BTBD9: variants seen among roughly 807,000 people sequenced by gnomAD.
BTBD9 encodes the protein BTB domain containing 9.
In BTBD9, 49 loss-of-function variants were observed where a neutral mutation model predicts 64.3. That is an observed-to-expected ratio of 0.76 (90% CI 0.61 to 0.97). The LOEUF (loss-of-function observed/expected upper bound fraction) is 0.97. Ranked by LOEUF, BTBD9 falls within the 50% of genes least tolerant of loss-of-function variation. The pLI, the probability that BTBD9 is intolerant of heterozygous loss-of-function variation, is 0.00. For synonymous variants in BTBD9, 260 were observed against 274.7 expected, an observed-to-expected ratio of 0.95 and a Z score of 0.53; for missense variants, 598 against 762.1, an observed-to-expected ratio of 0.78 and a Z score of 2.53.
intron 6 of BTBD9, among the ~76,000 whole-genome samples, chr6:38,418,844 G>A (rs1041389506): frequency 4.6e-5 from 7 of 152,252 alleles, no homozygotes; most frequent in East Asian, 1.9e-4. Context: ...GCACAGTGGC[G>A]CGTGCCTATA....
chr6:38,268,829 C>G (rs1380659390), intron 8 of BTBD9, among the ~76,000 whole-genome samples: 2 of 152,268 alleles, frequency 1.3e-5, no homozygotes, highest in Non-Finnish European at 2.9e-5. Flanking sequence ...TGAGCTGCGA[C>G]TCGTTCCTCC....
At chr6:38,272,995 G>A (rs946766804) in intron 8 of BTBD9, among the ~76,000 whole-genome samples, 10 of 152,166 alleles carry the variant, frequency 6.6e-5, no homozygotes. Flanking sequence ...GTAAGTATAT[G>A]CCAAGGAAAG....
intron 6 of BTBD9, among the ~76,000 whole-genome samples, chr6:38,377,249 T>C (rs1222560955): frequency 6.6e-6 from 1 of 152,122 alleles, no homozygotes; most frequent in Non-Finnish European, 1.5e-5. Flanking sequence ...AACTATATAC[T>C]GCTACCTAAT....
At chr6:38,429,089 T>C (rs1562173245) in intron 6 of BTBD9, among the ~76,000 whole-genome samples, 1 of 151,864 alleles carries the variant, frequency 6.6e-6, no homozygotes, top group Non-Finnish European at 1.5e-5. Flanking sequence ...TCTAGGTTTC[T>C]GGTCAGGAGA....
chr6:38,410,354 A>C (rs185956383), intron 6 of BTBD9, among the ~76,000 whole-genome samples: 90 of 152,252 alleles, frequency 5.9e-4, no homozygotes, highest in African/African-American at 2.0e-3. Context: ...ATGCACCTGT[A>C]GTCTCAGCTA....
chr6:38,482,427 T>A (rs919412728), intron 6 of BTBD9: 10 of 150,964 alleles, frequency 6.6e-5, no homozygotes, highest in African/African-American at 2.2e-4. Flanking sequence ...TTTTTTTTTT[T>A]ACTTTTAGCT....
At chr6:38,629,327 C>T (rs1344621750) in intron 1 of BTBD9, among the ~76,000 whole-genome samples, 1 of 152,180 alleles carries the variant, frequency 6.6e-6, no homozygotes, top group African/African-American at 2.4e-5. Flanking sequence ...AAAGGAAAGG[C>T]AGAAACTTTA....
At chr6:38,613,271 G>A (rs1035424477) in intron 1 of BTBD9, among the ~76,000 whole-genome samples, 1 of 152,174 alleles carries the variant, frequency 6.6e-6, no homozygotes, top group African/African-American at 2.4e-5. Context: ...TGACAGCGCT[G>A]CTTTAGAGAT....
intron 6 of BTBD9, among the ~76,000 whole-genome samples, chr6:38,472,759 G>A (rs1398518234): frequency 6.6e-6 from 1 of 152,012 alleles, no homozygotes. Flanking sequence ...TTATATCTAG[G>A]TAGGCCTTTC....
chr6:38,562,223 A>C (rs1325229455), intron 6 of BTBD9, among the ~76,000 whole-genome samples: 1 of 152,180 alleles, frequency 6.6e-6, no homozygotes, highest in Non-Finnish European at 1.5e-5. Flanking sequence ...CTGTTACACA[A>C]AATGGAGATG....
At chr6:38,393,995 A>G (rs1437306925) in intron 6 of BTBD9, among the ~76,000 whole-genome samples, 1 of 152,216 alleles carries the variant, frequency 6.6e-6, no homozygotes, top group Non-Finnish European at 1.5e-5. Flanking sequence ...TTCAGAGTCT[A>G]GTAGAAAAGA....
At chr6:38,498,183 C>T (rs959710666) in intron 6 of BTBD9, among the ~76,000 whole-genome samples, 5 of 152,150 alleles carry the variant, frequency 3.3e-5, no homozygotes, top group Non-Finnish European at 7.4e-5. Flanking sequence ...AGCTGCCTGA[C>T]GCACCTGTCT....
intron 6 of BTBD9, among the ~76,000 whole-genome samples, chr6:38,476,899 C>T (rs181050835): frequency 4.6e-5 from 7 of 152,304 alleles, no homozygotes; most frequent in African/African-American, 1.4e-4. Flanking sequence ...ATTACTATAC[C>T]TAATTTTCCC....
chr6:38,395,973 T>G (rs1766653178), intron 6 of BTBD9, among the ~76,000 whole-genome samples: 1 of 152,084 alleles, frequency 6.6e-6, no homozygotes, highest in Admixed American at 6.5e-5. Context: ...CCTCCCAAAG[T>G]GTTGGGATTA....
intron 7 of BTBD9, among the ~76,000 whole-genome samples, chr6:38,296,661 G>A (rs1762166711): frequency 6.6e-6 from 1 of 152,100 alleles, no homozygotes; most frequent in African/African-American, 2.4e-5. Flanking sequence ...CAGGTATTGT[G>A]TAGAATGTCC....
At chr6:38,380,891 T>C (rs1765904693) in intron 6 of BTBD9, among the ~76,000 whole-genome samples, 1 of 151,712 alleles carries the variant, frequency 6.6e-6, no homozygotes, top group South Asian at 2.1e-4. Context: ...AACTTTAGAA[T>C]AGCAAATTAA....
chr6:38,520,326 T>A (rs963492801), intron 6 of BTBD9, among the ~76,000 whole-genome samples: 3 of 152,046 alleles, frequency 2.0e-5, no homozygotes, highest in Non-Finnish European at 2.9e-5. Context: ...CTGGGTGTGG[T>A]GACACGCATC....
chr6:38,178,830 T>C (rs565750032), intron 10 of BTBD9, among the ~76,000 whole-genome samples: 5 of 151,928 alleles, frequency 3.3e-5, no homozygotes, highest in Admixed American at 6.5e-5. Flanking sequence ...CCTGATACTC[T>C]TGGACAAAGG....
chr6:38,448,361 T>C (rs1431251955), intron 6 of BTBD9, among the ~76,000 whole-genome samples: 3 of 152,134 alleles, frequency 2.0e-5, no homozygotes, highest in Non-Finnish European at 4.4e-5. Context: ...TAAATATTTT[T>C]GTAAGCCAAG....
Sources: allele counts gnomAD v4.1 joint callset (sites outside exome capture counted in the v4.1 genomes callset), GRCh38; gene constraint gnomAD v4.1.1; transcripts MANE v1.5; gene names NCBI Gene and HGNC (gene_info 2026-07-23, HGNC 2026-07-21).